BPTF: variants seen among roughly 807,000 people sequenced by gnomAD.
BPTF encodes nucleosome-remodeling factor subunit BPTF.
Under a neutral mutation model 292.5 loss-of-function variants are expected in BPTF, and 18 were observed. The observed-to-expected ratio is 0.06, with a 90% confidence interval of 0.04 to 0.09. The LOEUF is 0.09. Ranked by LOEUF, BPTF falls within the 10% of genes least tolerant of loss-of-function variation. The pLI is 1.00. For missense variants in BPTF, 2,726 were observed against 3,498.7 expected (o/e 0.78, Z 5.57); for synonymous variants, 1,225 against 1,251.9 (o/e 0.98, Z 0.45).
chr17:67,898,177 A>G (rs1190311155), intron 7 of BPTF, among the ~76,000 whole-genome samples: 4 of 152,130 alleles, frequency 2.6e-5, no homozygotes, highest in Admixed American at 2.6e-4. Context: ...TAAGACCAGC[A>G]TGGCCAATGT....
At chr17:67,836,959 G>A (rs1458424752) in intron 1 of BPTF, among the ~76,000 whole-genome samples, 2 of 152,120 alleles carry the variant, frequency 1.3e-5, no homozygotes, top group Middle Eastern at 3.2e-3. Flanking sequence ...TGTAAACTTG[G>A]AAGATTACCT....
At chr17:67,828,653 C>G (rs1483245148) in intron 1 of BPTF, among the ~76,000 whole-genome samples, 13 of 152,214 alleles carry the variant, frequency 8.5e-5, no homozygotes, top group Non-Finnish European at 1.5e-4. Flanking sequence ...CTCAGCCTCC[C>G]AAGTAGCTGG....
At chr17:67,826,841 C>T (rs2056112602) in intron 1 of BPTF, among the ~76,000 whole-genome samples, 1 of 152,064 alleles carries the variant, frequency 6.6e-6, no homozygotes, top group Non-Finnish European at 1.5e-5. Context: ...TACACAAACA[C>T]GCACAAAAAA....
intron 3 of BPTF, among the ~76,000 whole-genome samples, chr17:67,873,273 C>T (rs1004415718): frequency 1.3e-5 from 2 of 151,882 alleles, no homozygotes; most frequent in South Asian, 2.1e-4. Flanking sequence ...GCCGGGCCAA[C>T]GTGGTGAAAC....
intron 4 of BPTF, among the ~76,000 whole-genome samples, chr17:67,881,302 T>G: frequency 6.6e-6 from 1 of 152,106 alleles, no homozygotes. Flanking sequence ...CTATTCAGTT[T>G]CAACTGTCTT....
At chr17:67,828,455 G>A (rs1416551427) in intron 1 of BPTF, among the ~76,000 whole-genome samples, 2 of 152,336 alleles carry the variant, frequency 1.3e-5, no homozygotes, top group Non-Finnish European at 2.9e-5. Context: ...GTGTGCATAT[G>A]CTGACTTAAA....
chr17:67,912,721 G>A lies in BPTF; in HGVS notation c.4837G>A (p.Val1613Met). 3 of 1,614,066 alleles carry A rather than the reference G, an allele frequency of 1.9e-6. No individual in the cohort carries two copies. The highest frequency in any genetic ancestry group is 2.5e-6 in the Non-Finnish European group (3 of 1,180,036). ...GGTAGAAAAAGGCGATAAGCAAACT[G>A]TGGTTTCTTCCACAGAAAATTGTGC... ...IKVEKGDKQT[V>M]VSSTENCAKS... The change falls in exon 11 of 28, where the codon GTG becomes ATG. Residue 1613 changes from valine to methionine, a missense_variant. Physicochemically the swap from Val to Met is conservative, Grantham distance 21. Coordinates refer to ENST00000306378, the MANE Select transcript of BPTF (RefSeq NM_182641.4).
chr17:67,868,544 A>G (rs144578624), intron 3 of BPTF, among the ~76,000 whole-genome samples: 31 of 152,352 alleles, frequency 2.0e-4, no homozygotes, highest in African/African-American at 7.5e-4. Context: ...GAATCCAAGG[A>G]TGCAGAACCT....
At chr17:67,848,523 T>A (rs2058190821) in intron 1 of BPTF, among the ~76,000 whole-genome samples, 2 of 152,188 alleles carry the variant, frequency 1.3e-5, no homozygotes. Flanking sequence ...TTGAAAACTG[T>A]CTAGGGTTTC....
At position 67,897,497 on chromosome 17, in the gene BPTF, C is replaced by T. The variant is rs189362559; in HGVS notation, c.2543+3332C>T. 4.8e-3 allele frequency among the ~76,000 whole-genome samples: 732 copies of T among 152,158 alleles called. 23 individuals are homozygous for T. Among genetic ancestry groups the T allele is most frequent in the Non-Finnish European group, 1.8e-3 (123 of 68,010 alleles). On this transcript the variant is annotated intron_variant, in intron 7 of 27. Transcript: ENST00000306378. ...CTACATCCACAAAGAAAGGGGTCCA[C>T]CTAGAAAGAGTGGACCAAGATGGTG...
chr17:67,889,768 A>G (rs1323296028), intron 4 of BPTF, among the ~76,000 whole-genome samples: 1 of 152,174 alleles, frequency 6.6e-6, no homozygotes, highest in African/African-American at 2.4e-5. Flanking sequence ...AGATCGCACC[A>G]CTGCACTCCA....
At position 67,968,728 on chromosome 17, in the gene BPTF, C is replaced by T. The variant is rs1158819572; in HGVS notation, c.8539+2072C>T. On this transcript the variant is annotated intron_variant, in intron 26 of 27. Coordinates refer to ENST00000306378, the MANE Select transcript of BPTF (RefSeq NM_182641.4). ...ACGTGAACCCGGGAGGTGGAGCTTG[C>T]AGTGAGCCAAGATTGTGCCACTGCG... Among the ~76,000 whole-genome samples, 3 of 149,706 alleles carry T rather than the reference C, an allele frequency of 2.0e-5. No homozygotes were observed. The Admixed American group carries it at 2.0e-4, about 10-fold the overall frequency.
At chr17:67,935,033 A>G (rs925035115) in intron 18 of BPTF, among the ~76,000 whole-genome samples, 3 of 152,194 alleles carry the variant, frequency 2.0e-5, no homozygotes, top group Non-Finnish European at 4.4e-5. Flanking sequence ...ATATTTGAAC[A>G]CCTACTCTAG....
chr17:67,904,108 A>G (rs1177969707), intron 8 of BPTF, among the ~76,000 whole-genome samples, 190 bp downstream of exon 8: 2 of 152,188 alleles, frequency 1.3e-5, no homozygotes, highest in African/African-American at 2.4e-5. Flanking sequence ...GGCTCACTAC[A>G]GCCTCCGCCT....
rs373933480 is a variant in BPTF at position 67,834,208 on chromosome 17, A to G, written c.613+7871A>G. Among the ~76,000 whole-genome samples the G allele has an allele frequency of 1.6e-4, 24 of 152,188 alleles. No individual in the cohort carries two copies. The East Asian group carries it at 2.7e-3, about 17-fold the overall frequency. Reference sequence around the variant, plus strand: ...GTGCATTAAGTGTTTTAGTTTCCAAATATTTGGGAATTTTTTAGCTATCCT... The same window carrying G: ...GTGCATTAAGTGTTTTAGTTTCCAAGTATTTGGGAATTTTTTAGCTATCCT... On this transcript the variant is annotated intron_variant, in intron 1 of 27. Coordinates refer to ENST00000306378, the MANE Select transcript of BPTF (RefSeq NM_182641.4).
chr17:67,904,068 GC>G, intron 8 of BPTF, 150 bp downstream of exon 8: 2 of 771,514 alleles, frequency 2.6e-6, no homozygotes, highest in Non-Finnish European at 3.8e-6. Context: ...TCGCTCTGTT[GC>G]CCAGATTGGA....
chr17:67,954,160 G>C (rs1402793689), intron 23 of BPTF, among the ~76,000 whole-genome samples: 2 of 90,160 alleles, frequency 2.2e-5, no homozygotes, highest in Non-Finnish European at 6.1e-5. Context: ...ACCCTGTCTG[G>C]CTAATTTTGG....
rs377269543 is a variant in BPTF at position 67,945,992 on chromosome 17, A to G, written c.7284A>G (p.Pro2428=). The change falls in exon 21 of 28, where the codon CCA becomes CCG. Residue 2428 remains proline, a synonymous_variant. Transcript: ENST00000306378. ...GTCCTCAGCTACAAATACAGCAGCC[A>G]CAGCCCCAAGTCATTGCTGTGCCTC... ...PSRPQLQIQQ[P]QPQVIAVPQL... is the part of the protein sequence containing the mutation. The G allele has an allele frequency of 1.2e-6, 2 of 1,614,200 alleles. No homozygotes were observed. The highest frequency in any genetic ancestry group is 2.7e-5 in the African/African-American group (2 of 75,042).
At chr17:67,981,937 C>G (rs113626817) in intron 27 of BPTF, among the ~76,000 whole-genome samples, 2,835 of 135,446 alleles carry the variant, frequency 0.021, 109 homozygotes, top group African/African-American at 0.073. Context: ...TCTGTAAATG[C>G]CTCTATTTGT....
Sources: gnomAD v4.1 joint callset for allele counts (sites outside exome capture counted in the v4.1 genomes callset) on GRCh38, gnomAD v4.1.1 for gene constraint, MANE v1.5 for transcripts, NCBI Gene and HGNC (gene_info 2026-07-23, HGNC 2026-07-21) for gene names.